The following AK7 variants were observed in gnomAD, a reference collection of about 807,000 sequenced individuals.
AK7 encodes adenylate kinase 7, also known as ATP-AMP transphosphorylase 7.
AK7 carries 78 observed loss-of-function variants against 96.6 expected under a neutral mutation model. The observed-to-expected ratio is 0.81, with a 90% CI of 0.67 to 0.97. The LOEUF (loss-of-function observed/expected upper bound fraction) is 0.97. AK7 is among the 50% of genes least tolerant of loss of function. The pLI is 0.00. For missense variants in AK7, 855 were observed against 887.9 expected, an observed-to-expected ratio of 0.96 and a Z score of 0.47; for synonymous variants, 302 against 317.2, an observed-to-expected ratio of 0.95 and a Z score of 0.51.
At chr14:96,401,453 G>A (rs1476309972) in intron 2 of AK7, among the ~76,000 whole-genome samples, 5 of 152,304 alleles carry the variant, frequency 3.3e-5, no homozygotes, top group African/African-American at 9.6e-5. Context: ...TGGGGCTGAG[G>A]CTGGTCTTCC....
intron 5 of AK7, among the ~76,000 whole-genome samples, chr14:96,424,583 A>G (rs1891915336): frequency 1.3e-5 from 2 of 152,142 alleles, no homozygotes; most frequent in Admixed American, 1.3e-4. Flanking sequence ...TAGTTCTAAG[A>G]TGACACCTAG....
At chr14:96,428,124 T>C (rs1892135240) in intron 5 of AK7, among the ~76,000 whole-genome samples, 1 of 152,112 alleles carries the variant, frequency 6.6e-6, no homozygotes, top group South Asian at 2.1e-4. Flanking sequence ...TCCCCCCACC[T>C]TACGACAGGC....
intron 14 of AK7, among the ~76,000 whole-genome samples, chr14:96,475,991 A>AG (rs960478838): frequency 1.4e-3 from 5 of 3,666 alleles, no homozygotes; most frequent in African/African-American, 2.0e-3. Context: ...AAAAAAAAAG[A>AG]AAAAAAAAAA....
chr14:96,472,937 C>T (rs1280831020), intron 14 of AK7, among the ~76,000 whole-genome samples, 182 bp downstream of exon 14: 3 of 152,112 alleles, frequency 2.0e-5, no homozygotes, highest in Non-Finnish European at 4.4e-5. Context: ...CAAAAATTAG[C>T]TGGGTGTCGT....
intron 5 of AK7, chr14:96,423,565 C>T: frequency 2.1e-6 from 1 of 485,656 alleles, no homozygotes; most frequent in Admixed American, 2.5e-5. Context: ...CCCTAAGCCA[C>T]CATCTCAGTG....
chr14:96,404,380 G>T (rs1890588389), intron 2 of AK7, among the ~76,000 whole-genome samples: 1 of 152,206 alleles, frequency 6.6e-6, no homozygotes, highest in African/African-American at 2.4e-5. Flanking sequence ...ACTTCTGAGT[G>T]ATTCGTGGTA....
In AK7 at chr14:96,437,847, G is replaced by T. The variant is rs2140083378; in HGVS notation, c.622G>T (p.Ala208Ser). The T allele has an allele frequency of 8.1e-6, 13 of 1,605,896 alleles. No homozygotes were observed. Among genetic ancestry groups the T allele is most frequent in the East Asian group, 2.2e-5 (1 of 44,626 alleles). Residue 208 changes from alanine to serine, a missense_variant, in exon 6 of 18, where the codon GCA becomes TCA. By Grantham distance (99) the Ala-to-Ser change is moderately conservative (BLOSUM62 1). Transcript: ENST00000267584. Reference protein sequence around the residue: ...LKFGKKARKFAAYVVAAGLQY... With the variant: ...LKFGKKARKFSAYVVAAGLQY... ...TTTTATCTAATAGGCCAGAAAATTT[G>T]CAGCATACGTAGTTGCTGCTGGACT...
chr14:96,481,037 C>T (rs1276237000), intron 15 of AK7, among the ~76,000 whole-genome samples: 5 of 152,188 alleles, frequency 3.3e-5, no homozygotes, highest in Admixed American at 3.3e-4. Flanking sequence ...CTCTCCCCCT[C>T]TGTGGCCTGT....
chr14:96,437,308 C>T (rs867623399), intron 5 of AK7, among the ~76,000 whole-genome samples: 2 of 152,166 alleles, frequency 1.3e-5, no homozygotes, highest in Non-Finnish European at 2.9e-5. Context: ...TGTATCAAAA[C>T]ATCTCATGCA....
At chr14:96,477,471 A>G (rs1349486276) in intron 14 of AK7, among the ~76,000 whole-genome samples, 2 of 152,248 alleles carry the variant, frequency 1.3e-5, no homozygotes, top group Non-Finnish European at 2.9e-5. Flanking sequence ...TGATGCACCC[A>G]GACACTGATC....
At chr14:96,473,070 T>C (rs1894984461) in intron 14 of AK7, among the ~76,000 whole-genome samples, 1 of 151,782 alleles carries the variant, frequency 6.6e-6, no homozygotes, top group Admixed American at 6.6e-5. Flanking sequence ...CGACAGAGAC[T>C]CTGTTTCAAA....
At chr14:96,433,274 T>C (rs1219189692) in intron 5 of AK7, among the ~76,000 whole-genome samples, 1 of 152,238 alleles carries the variant, frequency 6.6e-6, no homozygotes, top group African/African-American at 2.4e-5. Flanking sequence ...TTTTCCAGTT[T>C]GGTTCCATTC....
At chr14:96,479,085 C>CT (rs1001104764) in intron 15 of AK7, among the ~76,000 whole-genome samples, 11 of 148,530 alleles carry the variant, frequency 7.4e-5, no homozygotes, top group African/African-American at 9.9e-5. Context: ...ATTTTTTTTT[C>CT]TTTTTTTTTG....
At chr14:96,476,142 A>G (rs900952843) in intron 14 of AK7, among the ~76,000 whole-genome samples, 2 of 152,198 alleles carry the variant, frequency 1.3e-5, no homozygotes, top group African/African-American at 4.8e-5. Context: ...GATTCTTTGA[A>G]GACCTCTTGG....
intron 11 of AK7, chr14:96,456,802 C>T (rs1411645509): frequency 4.3e-6 from 1 of 233,310 alleles, no homozygotes; most frequent in South Asian, 6.2e-5. Flanking sequence ...ACTCAGGGGT[C>T]GGGGGATGTT....
At chr14:96,465,235 G>A (rs1894491655) in intron 12 of AK7, among the ~76,000 whole-genome samples, 1 of 152,160 alleles carries the variant, frequency 6.6e-6, no homozygotes. Flanking sequence ...GCCGAGGCGG[G>A]CGGATCACGA....
chr14:96,436,833 C>T (rs1356651070), intron 5 of AK7, among the ~76,000 whole-genome samples: 1 of 152,104 alleles, frequency 6.6e-6, no homozygotes, highest in African/African-American at 2.4e-5. Context: ...TTTCACCTTC[C>T]TCATGCCCTG....
intron 4 of AK7, among the ~76,000 whole-genome samples, chr14:96,411,946 G>C (rs964527715): frequency 2.6e-5 from 4 of 152,198 alleles, no homozygotes; most frequent in Admixed American, 6.5e-5. Context: ...GGGAGCCATG[G>C]GGAGCTCAGT....
intron 5 of AK7, among the ~76,000 whole-genome samples, chr14:96,426,619 TTTTG>T (rs1172149600): frequency 6.6e-6 from 1 of 152,212 alleles, no homozygotes; most frequent in African/African-American, 2.4e-5. Flanking sequence ...ATCCTTCAGC[TTTTG>T]TTTGTCTGGG....
Sources: allele counts gnomAD v4.1 joint callset (sites outside exome capture counted in the v4.1 genomes callset), GRCh38; gene constraint gnomAD v4.1.1; transcripts MANE v1.5; gene names NCBI Gene and HGNC (gene_info 2026-07-23, HGNC 2026-07-21).